TLE1: variants seen among roughly 807,000 people sequenced by gnomAD.
TLE1 encodes TLE family member 1, transcriptional corepressor.
A neutral mutation model predicts 89.8 loss-of-function variants in TLE1; 21 were observed. That is an observed-to-expected ratio of 0.23 (90% CI 0.17 to 0.34). The LOEUF (loss-of-function observed/expected upper bound fraction) is 0.34, where lower values mean the gene tolerates loss of function less well. TLE1 is among the 10% of genes least tolerant of loss of function. The pLI is 1.00. For missense variants in TLE1, 795 were observed against 1,031.2 expected (o/e 0.77, Z 3.14); for synonymous variants, 447 against 407.6 (o/e 1.10, Z -1.16).
chr9:81,627,004 C>A (rs1436829952), intron 8 of TLE1, among the ~76,000 whole-genome samples: 1 of 152,198 alleles, frequency 6.6e-6, no homozygotes, highest in Non-Finnish European at 1.5e-5. Context: ...AAGAGCTGCT[C>A]AGCTGTTTCT....
intron 4 of TLE1, among the ~76,000 whole-genome samples, chr9:81,659,011 C>T (rs1374015997): frequency 6.6e-6 from 1 of 152,024 alleles, no homozygotes; most frequent in Non-Finnish European, 1.5e-5. Context: ...CTGGTTAAAG[C>T]AATTCTCCTT....
At chr9:81,617,973 C>T (rs1448773150) in intron 9 of TLE1, among the ~76,000 whole-genome samples, 1 of 152,018 alleles carries the variant, frequency 6.6e-6, no homozygotes, top group Non-Finnish European at 1.5e-5. Context: ...TGCAGTGAGC[C>T]GAGATTGTGC....
At chr9:81,606,119 C>T (rs1831620950) in intron 14 of TLE1, among the ~76,000 whole-genome samples, 1 of 152,130 alleles carries the variant, frequency 6.6e-6, no homozygotes, top group Admixed American at 6.5e-5. Context: ...AGTCAGGAGA[C>T]AACAGATGCT....
intron 15 of TLE1, among the ~76,000 whole-genome samples, chr9:81,591,782 A>G (rs1048975528): frequency 6.6e-6 from 1 of 152,224 alleles, no homozygotes; most frequent in African/African-American, 2.4e-5. Flanking sequence ...TTTAAATAAG[A>G]ATTTCATGAA....
intron 4 of TLE1, among the ~76,000 whole-genome samples, chr9:81,667,846 G>A (rs561986937): frequency 5.3e-5 from 8 of 152,174 alleles, no homozygotes; most frequent in African/African-American, 1.4e-4. Flanking sequence ...GCAATGTTCC[G>A]CAACTCACTC....
At chr9:81,671,751 G>C (rs1179057679) in intron 4 of TLE1, among the ~76,000 whole-genome samples, 1 of 151,992 alleles carries the variant, frequency 6.6e-6, no homozygotes, top group African/African-American at 2.4e-5. Flanking sequence ...AAATATCATA[G>C]CATCTAGGGT....
intron 17 of TLE1, among the ~76,000 whole-genome samples, chr9:81,586,829 GA>G (rs1466573521): frequency 3.9e-5 from 6 of 152,116 alleles, no homozygotes; most frequent in African/African-American, 1.4e-4. Context: ...CTTATGTTGG[GA>G]AAGAGTGAAA....
chr9:81,615,965 C>CA lies in TLE1; in HGVS notation c.918+16dup, dbSNP rs749676480. 8.1e-6 allele frequency: 13 copies of CA among 1,612,924 alleles called. No individual in the cohort carries two copies. The highest frequency in any genetic ancestry group is 1.0e-5 in the Non-Finnish European group (12 of 1,179,922). ...AATACACTGCCAAACAGGCAAGTGT[C>CA]AGTTTTCTTTACCTACCAAGCTCAT... On this transcript the variant is annotated intron_variant, in intron 11 of 19. Coordinates refer to ENST00000376499, the MANE Select transcript of TLE1 (RefSeq NM_005077.5).
intron 14 of TLE1, among the ~76,000 whole-genome samples, chr9:81,603,442 CTCTT>C (rs1324489259): frequency 6.6e-6 from 1 of 152,174 alleles, no homozygotes; most frequent in African/African-American, 2.4e-5. Flanking sequence ...TCTGACCTCT[CTCTT>C]TCTATACAAA....
intron 16 of TLE1, among the ~76,000 whole-genome samples, chr9:81,590,274 C>A (rs1829292441): frequency 6.6e-6 from 1 of 152,224 alleles, no homozygotes; most frequent in Non-Finnish European, 1.5e-5. Flanking sequence ...GCCAGAAGGC[C>A]AGGCAGAGCC....
At chr9:81,635,145 G>A (rs1048568789) in intron 6 of TLE1, among the ~76,000 whole-genome samples, 1 of 152,190 alleles carries the variant, frequency 6.6e-6, no homozygotes, top group African/African-American at 2.4e-5. Context: ...ACAGACAGGG[G>A]AGAGGATCTC....
intron 4 of TLE1, among the ~76,000 whole-genome samples, chr9:81,681,827 A>G (rs1452760072): frequency 1.3e-5 from 2 of 152,194 alleles, no homozygotes; most frequent in Non-Finnish European, 2.9e-5. Flanking sequence ...TAGAACATAC[A>G]TTCAGTCCTG....
intron 4 of TLE1, among the ~76,000 whole-genome samples, chr9:81,681,837 G>A (rs536855935): frequency 3.3e-5 from 5 of 152,176 alleles, no homozygotes; most frequent in African/African-American, 1.2e-4. Flanking sequence ...ATTCAGTCCT[G>A]ACATGTCTTA....
At chr9:81,646,263 T>A (rs1246103818) in intron 6 of TLE1, among the ~76,000 whole-genome samples, 1 of 152,238 alleles carries the variant, frequency 6.6e-6, no homozygotes, top group East Asian at 1.9e-4. Flanking sequence ...CGCCTAGTTG[T>A]GCTCTCAGTA....
At chr9:81,620,937 T>G in intron 8 of TLE1, 1 of 520,840 alleles carries the variant, frequency 1.9e-6, no homozygotes, top group South Asian at 1.4e-5. Context: ...GATTACTCTA[T>G]TAGACATATT....
At chr9:81,657,605 AAAAAT>A (rs1246275697) in intron 4 of TLE1, among the ~76,000 whole-genome samples, 5 of 152,190 alleles carry the variant, frequency 3.3e-5, no homozygotes, top group Admixed American at 6.6e-5. Context: ...TAAAGTTATC[AAAAAT>A]AAAATAAAGA....
At chr9:81,668,114 G>A (rs907429740) in intron 4 of TLE1, among the ~76,000 whole-genome samples, 2 of 151,794 alleles carry the variant, frequency 1.3e-5, no homozygotes, top group Middle Eastern at 3.4e-3. Context: ...GCGATGAGCC[G>A]AGATCGCGCC....
chr9:81,641,149 A>C (rs1372137974), intron 6 of TLE1, among the ~76,000 whole-genome samples: 1 of 152,148 alleles, frequency 6.6e-6, no homozygotes, highest in Non-Finnish European at 1.5e-5. Context: ...CTCTTCCTTG[A>C]TTTCTGCTAT....
chr9:81,587,928 G>C (rs1043818073), intron 16 of TLE1, 100 bp from the exon 17 acceptor site: 1 of 490,056 alleles, frequency 2.0e-6, no homozygotes. Flanking sequence ...GTGTGTGTGT[G>C]TGTGTGTGTG....
Sources: gnomAD v4.1 joint callset for allele counts (sites outside exome capture counted in the v4.1 genomes callset) on GRCh38, gnomAD v4.1.1 for gene constraint, MANE v1.5 for transcripts, NCBI Gene and HGNC (gene_info 2026-07-23, HGNC 2026-07-21) for gene names.